Variants in ZNF654 observed in about 807,000 individuals in gnomAD.
ZNF654 encodes the protein melanoma-associated antigen.
Under a neutral mutation model 95.3 loss-of-function variants are expected in ZNF654, and 19 were observed. The observed-to-expected ratio is 0.20, with a 90% CI of 0.14 to 0.29. The LOEUF is 0.29. Among genes scored for constraint, ZNF654 ranks in the 10% least tolerant of loss-of-function variants. The pLI, the probability that ZNF654 is intolerant of heterozygous loss-of-function variation, is 1.00. For missense variants in ZNF654, 1,046 were observed against 1,341.0 expected (o/e 0.78, Z 3.44); for synonymous variants, 413 against 457.9 (o/e 0.90, Z 1.25).
chr3:88,138,014 A>AT (rs1456008669), intron 7 of ZNF654, among the ~76,000 whole-genome samples: 1 of 152,270 alleles, frequency 6.6e-6, no homozygotes, highest in African/African-American at 2.4e-5. Context: ...TCGACAATAG[A>AT]TTCCCAAGTA....
chr3:88,063,260 T>C (rs1214661008), intron 1 of ZNF654, among the ~76,000 whole-genome samples: 1 of 152,170 alleles, frequency 6.6e-6, no homozygotes, highest in African/African-American at 2.4e-5. Context: ...TTGAGAAACT[T>C]GGCTGTACCC....
intron 2 of ZNF654, among the ~76,000 whole-genome samples, chr3:88,094,493 T>C (rs1487081112): frequency 1.3e-5 from 2 of 152,144 alleles, no homozygotes; most frequent in Admixed American, 1.3e-4. Context: ...TTAGTATTTA[T>C]ATCAGAATCT....
chr3:88,095,875 G>T (rs781606988), intron 2 of ZNF654: 9 of 447,900 alleles, frequency 2.0e-5, no homozygotes, highest in East Asian at 6.3e-5. Flanking sequence ...TACTCCACTT[G>T]CCACTTAACC....
intron 2 of ZNF654, among the ~76,000 whole-genome samples, chr3:88,107,750 C>G (rs978669048): frequency 1.3e-5 from 2 of 152,070 alleles, no homozygotes; most frequent in Non-Finnish European, 2.9e-5. Flanking sequence ...ATCTAATCAT[C>G]CATAAGATCT....
intron 2 of ZNF654, among the ~76,000 whole-genome samples, chr3:88,092,851 A>T (rs892754378): frequency 6.6e-6 from 1 of 152,160 alleles, no homozygotes; most frequent in Non-Finnish European, 1.5e-5. Flanking sequence ...GTAATTATAC[A>T]TATGTATTGA....
At chr3:88,071,821 A>T (rs953060904) in intron 1 of ZNF654, among the ~76,000 whole-genome samples, 11 of 152,034 alleles carry the variant, frequency 7.2e-5, no homozygotes, top group Non-Finnish European at 1.6e-4. Context: ...AAAATCAAAA[A>T]CACTTCCGTA....
intron 2 of ZNF654, among the ~76,000 whole-genome samples, chr3:88,093,358 A>G (rs1254749005): frequency 6.6e-6 from 1 of 152,188 alleles, no homozygotes; most frequent in Admixed American, 6.6e-5. Flanking sequence ...CTGCCTTCAC[A>G]GCCTCCTTTT....
intron 6 of ZNF654, among the ~76,000 whole-genome samples, chr3:88,133,623 A>G (rs1419736864): frequency 2.0e-5 from 3 of 152,136 alleles, no homozygotes; most frequent in Non-Finnish European, 4.4e-5. Flanking sequence ...AGAATAAATG[A>G]AGCAGTTTAG....
At chr3:88,090,600 A>C (rs1250085316) in intron 2 of ZNF654, among the ~76,000 whole-genome samples, 2 of 151,098 alleles carry the variant, frequency 1.3e-5, no homozygotes, top group African/African-American at 2.4e-5. Context: ...TATAGCCTAC[A>C]TATACAGTGT....
At chr3:88,137,836 G>A (rs1706889537) in intron 7 of ZNF654, among the ~76,000 whole-genome samples, 1 of 152,032 alleles carries the variant, frequency 6.6e-6, no homozygotes, top group South Asian at 2.1e-4. Flanking sequence ...AAAACGTGAG[G>A]CTGGCAAGGT....
intron 2 of ZNF654, among the ~76,000 whole-genome samples, chr3:88,087,962 C>T (rs971679230): frequency 1.3e-5 from 2 of 152,166 alleles, no homozygotes; most frequent in African/African-American, 4.8e-5. Context: ...TGGAACGTTA[C>T]AGATTTCAGA....
chr3:88,106,294 G>T (rs1417333037), intron 2 of ZNF654, among the ~76,000 whole-genome samples: 1 of 151,978 alleles, frequency 6.6e-6, no homozygotes, highest in African/African-American at 2.4e-5. Context: ...GGGATGTTAA[G>T]CCCTTCCTGT....
intron 3 of ZNF654, 66 bp from the exon 4 acceptor site, chr3:88,126,068 A>G: frequency 9.6e-6 from 13 of 1,358,696 alleles, no homozygotes; most frequent in Non-Finnish European, 1.2e-5. Flanking sequence ...TTTATTGACA[A>G]TGATGATCAA....
intron 1 of ZNF654, among the ~76,000 whole-genome samples, chr3:88,076,369 A>AT (rs577664673): frequency 7.2e-5 from 11 of 151,994 alleles, no homozygotes; most frequent in African/African-American, 2.4e-4. Context: ...AACATCTATA[A>AT]TTTTTTTTCC....
rs186542674 is a variant in ZNF654 at position 88,135,296 on chromosome 3, C to T, written c.1035+94C>T. On this transcript the variant is annotated intron_variant, in intron 7 of 8. Transcript: ENST00000636215. ...TGATAAAATTTATTTGATTTTAAAA[C>T]TGAAGGAAAGGAGGATTTTAAGGCC... is the stretch of plus-strand genomic sequence containing the variant. 3.1e-3 allele frequency: 3,369 copies of T among 1,101,358 alleles called. 6 individuals are homozygous for T. The highest frequency in any genetic ancestry group is 8.0e-3 in the Middle Eastern group (28 of 3,514). The allele number at this position is 1,101,358 out of a possible 1,614,324, so 68.2% of individuals were successfully genotyped here.
chr3:88,136,774 T>A (rs1486323781), intron 7 of ZNF654, among the ~76,000 whole-genome samples: 3 of 152,154 alleles, frequency 2.0e-5, no homozygotes, highest in Non-Finnish European at 4.4e-5. Flanking sequence ...TTGAACAAAT[T>A]GAAAATTCAT....
intron 2 of ZNF654, among the ~76,000 whole-genome samples, chr3:88,098,447 T>C (rs1348681670): frequency 6.6e-6 from 1 of 152,078 alleles, no homozygotes; most frequent in Non-Finnish European, 1.5e-5. Flanking sequence ...TTCCAATCAA[T>C]AGAAAAAGAG....
chr3:88,110,327 A>T (rs776013687), intron 2 of ZNF654, among the ~76,000 whole-genome samples: 2 of 152,120 alleles, frequency 1.3e-5, no homozygotes, highest in Non-Finnish European at 2.9e-5. Flanking sequence ...CTGTCTGCCT[A>T]TAATAGGTCT....
At chr3:88,100,605 A>G (rs564021272) in intron 2 of ZNF654, among the ~76,000 whole-genome samples, 1 of 152,372 alleles carries the variant, frequency 6.6e-6, no homozygotes, top group East Asian at 1.9e-4. Flanking sequence ...TGTGGCACAT[A>G]TACACCATGG....
Sources: gnomAD v4.1 joint callset for allele counts (sites outside exome capture counted in the v4.1 genomes callset) on GRCh38, gnomAD v4.1.1 for gene constraint, MANE v1.5 for transcripts, NCBI Gene and HGNC (gene_info 2026-07-23, HGNC 2026-07-21) for gene names.